The following APC variants were observed in gnomAD, a reference collection of about 807,000 sequenced individuals.
APC encodes APC regulator of Wnt signaling pathway, also known as adenomatous polyposis coli protein.
In APC, 72 loss-of-function variants were observed where a neutral mutation model predicts 247.0. The observed-to-expected ratio is 0.29, with a 90% CI of 0.24 to 0.35. The LOEUF is 0.35. Ranked by LOEUF, APC falls within the 10% of genes least tolerant of loss-of-function variation. The pLI is 1.00. For synonymous variants in APC, 1,254 were observed against 1,162.5 expected, an observed-to-expected ratio of 1.08 and a Z score of -1.60; for missense variants, 3,400 against 3,360.7, an observed-to-expected ratio of 1.01 and a Z score of -0.29.
intron 1 of APC, among the ~76,000 whole-genome samples, chr5:112,730,276 C>A (rs1158952173): frequency 6.6e-6 from 1 of 152,252 alleles, no homozygotes; most frequent in South Asian, 2.1e-4. Context: ...ATATAGTAAG[C>A]ATCAGAATGA....
intron 1 of APC, among the ~76,000 whole-genome samples, chr5:112,712,359 C>T (rs137871350): frequency 0.01 from 1,561 of 152,192 alleles, 83 homozygotes; most frequent in Admixed American, 0.073. Flanking sequence ...TTCACCAACC[C>T]TCACCTAGTG....
chr5:112,734,512 G>A (rs546580933), upstream of APC, among the ~76,000 whole-genome samples: 1 of 151,958 alleles, frequency 6.6e-6, no homozygotes, highest in African/African-American at 2.4e-5. Flanking sequence ...TTTTTTCAAT[G>A]CATAATTATT....
chr5:112,767,002 C>G (rs1175493551), intron 3 of APC, among the ~76,000 whole-genome samples, 187 bp from the exon 4 acceptor site: 1 of 152,184 alleles, frequency 6.6e-6, no homozygotes, highest in Non-Finnish European at 1.5e-5. Flanking sequence ...CTTTAACACA[C>G]TCCTTATTTT....
At chr5:112,805,492 A>G (rs952865556) in intron 8 of APC, among the ~76,000 whole-genome samples, 8 of 152,212 alleles carry the variant, frequency 5.3e-5, no homozygotes, top group African/African-American at 1.9e-4. Context: ...CTTGCCCACC[A>G]TATTGGTGTT....
intron 1 of APC, among the ~76,000 whole-genome samples, chr5:112,747,294 A>G (rs1371890622): frequency 6.6e-6 from 1 of 152,228 alleles, no homozygotes; most frequent in Non-Finnish European, 1.5e-5. Flanking sequence ...TTCATGAGAT[A>G]TAGTAAGACT....
In APC at chr5:112,796,039, T is replaced by G. The variant is rs1292406490; in HGVS notation, c.729+3510T>G. Among the ~76,000 whole-genome samples the G allele has an allele frequency of 3.3e-5, 5 of 152,156 alleles. No individual in the cohort carries two copies. In the East Asian group the frequency reaches 9.6e-4, roughly 29 times the overall value. On this transcript the variant is annotated intron_variant, in intron 7 of 15. Transcript: ENST00000257430. ...GAATGTATTGAAGGGAAAGGAAATT[T>G]ACACAGTAGGAGAGAAGCTGAGCAT... is the stretch of plus-strand genomic sequence containing the variant.
intron 1 of APC, among the ~76,000 whole-genome samples, chr5:112,739,725 T>A (rs1752774220): frequency 6.6e-6 from 1 of 152,168 alleles, no homozygotes; most frequent in Non-Finnish European, 1.5e-5. Flanking sequence ...TTAGAGTCTC[T>A]TTTTTAAAAT....
At chr5:112,713,957 C>G (rs973153947) in intron 1 of APC, among the ~76,000 whole-genome samples, 1 of 152,178 alleles carries the variant, frequency 6.6e-6, no homozygotes, top group Admixed American at 6.5e-5. Flanking sequence ...CGTGCCGAGC[C>G]TATACGTAAG....
At chr5:112,758,267 T>C (rs1045803445) in intron 2 of APC, among the ~76,000 whole-genome samples, 5 of 152,222 alleles carry the variant, frequency 3.3e-5, no homozygotes, top group African/African-American at 1.2e-4. Flanking sequence ...TAGTGTATTT[T>C]TTACTCCATG....
rs192963018 is a variant in APC, at chr5:112,833,207, G to A, written c.1744-1744G>A. Among the ~76,000 whole-genome samples, 975 of 137,050 alleles carry A rather than the reference G, an allele frequency of 7.1e-3. 8 individuals are homozygous for A. Among genetic ancestry groups the A allele is most frequent in the African/African-American group, 0.025 (906 of 36,062 alleles). The allele number at this position is 137,050 out of a possible 152,430, so 89.9% of individuals were successfully genotyped here. On this transcript the variant is annotated intron_variant, in intron 14 of 15. Transcript: ENST00000257430. ...TTTTTTTTTTTTTTTTTTTGAGACC[G>A]AGTCTCGCTCTGTCACCTAGGCTGG...
intron 7 of APC, among the ~76,000 whole-genome samples, chr5:112,798,830 T>G (rs763601202): frequency 1.1e-4 from 16 of 152,178 alleles, no homozygotes; most frequent in Non-Finnish European, 1.9e-4. Flanking sequence ...TGGGTTGGAA[T>G]TCCAGCTCTG....
chr5:112,748,405 A>G (rs993947514), intron 1 of APC, among the ~76,000 whole-genome samples: 4 of 152,152 alleles, frequency 2.6e-5, no homozygotes, highest in Non-Finnish European at 5.9e-5. Context: ...TAAAATTTTT[A>G]TATTTCTAAG....
intron 1 of APC, among the ~76,000 whole-genome samples, chr5:112,718,636 C>T (rs1751311746): frequency 6.6e-6 from 1 of 152,234 alleles, no homozygotes; most frequent in Non-Finnish European, 1.5e-5. Context: ...GGTCACCTTT[C>T]TGGGTTCCTG....
intron 4 of APC, among the ~76,000 whole-genome samples, chr5:112,774,262 C>G (rs1260293810): frequency 6.6e-6 from 1 of 152,034 alleles, no homozygotes; most frequent in Non-Finnish European, 1.5e-5. Flanking sequence ...CATCCCAAAT[C>G]TGGAAATAGA....
chr5:112,823,935 T>C (rs1561548936), intron 11 of APC, among the ~76,000 whole-genome samples: 3 of 152,344 alleles, frequency 2.0e-5, no homozygotes, highest in African/African-American at 7.2e-5. Flanking sequence ...CTGATTCTTA[T>C]GTTCGGGAAA....
At chr5:112,747,626 G>T (rs1234412920) in intron 1 of APC, among the ~76,000 whole-genome samples, 1 of 152,152 alleles carries the variant, frequency 6.6e-6, no homozygotes, top group Non-Finnish European at 1.5e-5. Context: ...CCCCATTAAA[G>T]TGATAGTAAA....
chr5:112,840,295 AGAT>A lies in APC; in HGVS notation c.4711_4713del (p.Asp1571del), dbSNP rs587782888. On this transcript the variant is annotated inframe_deletion, in exon 16 of 16. Transcript: ENST00000257430. This position sits in a 1 kb window ranked among gnomAD's most constrained non-coding sequence, Gnocchi z 4.1. Reference sequence around the variant, plus strand: ...CTGAAAAGGACCTATTAGATGATTCAGATGATGATGATATTGAAATACTAGAAG... The same window carrying A: ...CTGAAAAGGACCTATTAGATGATTCAGATGATGATATTGAAATACTAGAAG... 3 of 1,614,174 alleles carry A rather than the reference AGAT, an allele frequency of 1.9e-6. No individual in the cohort carries two copies. Among genetic ancestry groups the A allele is most frequent in the Middle Eastern group, 1.6e-4 (1 of 6,062 alleles).
At chr5:112,818,870 TAGA>T in intron 9 of APC, 93 bp from the exon 10 acceptor site, 1 of 1,375,130 alleles carries the variant, frequency 7.3e-7, no homozygotes, top group Non-Finnish European at 1.0e-6. Context: ...TTTGTTTTTT[TAGA>T]GTTATAGTAA....
In APC at chr5:112,787,924, TTA is replaced by T. The variant is rs558075507; in HGVS notation, c.646-4516_646-4515del. ...GGAATCTAACTTATATGTATATTAC[TTA>T]TATATGTGTGTATGTGTATTATACA... On this transcript the variant is annotated intron_variant, in intron 6 of 15. Coordinates refer to ENST00000257430, the MANE Select transcript of APC (RefSeq NM_000038.6). Among the ~76,000 whole-genome samples, 17 of 152,314 alleles carry T rather than the reference TTA, an allele frequency of 1.1e-4. No homozygotes were observed. In the South Asian group the frequency reaches 3.1e-3, roughly 28 times the overall value.
Sources: allele counts gnomAD v4.1 joint callset (sites outside exome capture counted in the v4.1 genomes callset), GRCh38; gene constraint gnomAD v4.1.1; non-coding constraint Gnocchi (gnomAD v3.1); transcripts MANE v1.5; gene names NCBI Gene and HGNC (gene_info 2026-07-23, HGNC 2026-07-21).